Variants in SPIRE2 observed in about 807,000 individuals in gnomAD.
SPIRE2 encodes spire type actin nucleation factor 2, also known as protein spire homolog 2.
In SPIRE2, 76 loss-of-function variants were observed where a neutral mutation model predicts 80.7. The observed-to-expected ratio is 0.94, with a 90% CI of 0.78 to 1.14. The LOEUF (loss-of-function observed/expected upper bound fraction) is 1.14. Among genes scored for constraint, SPIRE2 ranks in the 50% most tolerant of loss-of-function variants. SPIRE2 has a pLI of 0.00. For missense variants in SPIRE2, 1,196 were observed against 1,015.3 expected (o/e 1.18, Z -2.42); for synonymous variants, 535 against 432.6 (o/e 1.24, Z -2.94).
chr16:89,840,333 T>C (rs2041492107), intron 1 of SPIRE2, among the ~76,000 whole-genome samples: 1 of 143,492 alleles, frequency 7.0e-6, no homozygotes, highest in South Asian at 2.3e-4. Context: ...CACTGCAAGC[T>C]CCACCTCCCG....
In SPIRE2 at chr16:89,840,792, C is replaced by T. The variant is rs1369508278; in HGVS notation, c.245-4530C>T. On this transcript the variant is annotated intron_variant, in intron 1 of 14. Coordinates refer to ENST00000378247, the MANE Select transcript of SPIRE2 (RefSeq NM_032451.2). ...CTGGGACTACAGGTGCCCGCCACCA[C>T]GCCCAGCTTATTTTTTTGTATTTTT... 4.0e-5 allele frequency among the ~76,000 whole-genome samples: 6 copies of T among 150,880 alleles called. No homozygotes were observed. The South Asian group carries it at 6.3e-4, about 16-fold the overall frequency.
intron 9 of SPIRE2, among the ~76,000 whole-genome samples, chr16:89,860,413 G>A (rs56764645): frequency 0.032 from 4,860 of 152,098 alleles, 283 homozygotes; most frequent in African/African-American, 0.11. Flanking sequence ...CATGTTTCAC[G>A]ATGCCTGCCT....
chr16:89,863,360 A>T lies in SPIRE2; in HGVS notation c.1576-116A>T. On this transcript the variant is annotated intron_variant, in intron 10 of 14. Transcript: ENST00000378247. This position sits in a 1 kb window ranked among gnomAD's most constrained non-coding sequence, Gnocchi z 4.3. ...CAAGATGGCTGATGGACAGCGTTTT[A>T]GAAGGTCGCAGGCTTGTTTAGGCTG... 1 of 1,140,926 alleles carries T rather than the reference A, an allele frequency of 8.8e-7. No individual in the cohort carries two copies. The highest frequency in any genetic ancestry group is 1.2e-6 in the Non-Finnish European group (1 of 806,752). The allele number at this position is 1,140,926 out of a possible 1,614,324, so 70.7% of individuals were successfully genotyped here. A position where few individuals can be genotyped will look rare whatever the true frequency, so the allele number is the denominator to read the frequency against.
In SPIRE2 at chr16:89,828,552, T is replaced by TG. The variant is rs2041347427; in HGVS notation, c.4dup (p.Ala2?). 7 of 1,118,682 alleles carry TG rather than the reference T, an allele frequency of 6.3e-6. No homozygotes were observed. The South Asian group carries it at 2.9e-4, about 47-fold the overall frequency. 69.3% of individuals were successfully genotyped at this position (1,118,682 alleles called of 1,614,324 possible). ...GCGGGAGGCGATGACGGCCCCGCCA[T>TG]GGCCCGGGCGGGCAGCTGCGGCGGC... is the stretch of plus-strand genomic sequence containing the variant. On this transcript the variant is annotated frameshift_variant and start_lost, in exon 1 of 15. Coordinates refer to ENST00000378247, the MANE Select transcript of SPIRE2 (RefSeq NM_032451.2). LOFTEE classifies it high-confidence loss of function. The surrounding 1 kb of genome is among the most constrained non-coding windows in gnomAD (Gnocchi z 5.9).
chr16:89,842,230 T>TTTG (rs1190281257), intron 1 of SPIRE2, among the ~76,000 whole-genome samples: 1 of 134,656 alleles, frequency 7.4e-6, no homozygotes, highest in Non-Finnish European at 1.5e-5. Flanking sequence ...TTTTTTTTTT[T>TTTG]GTGACGGAGT....
At position 89,855,662 on chromosome 16, in the gene SPIRE2, C is replaced by T. The variant is rs750693094; in HGVS notation, c.954C>T (p.Ile318=). Reference sequence around the variant, plus strand: ...CTCACGAGCTCATCCTGGACTTTATCCGCTCACGGCCTCCACTGAAGCAGG... The same window carrying T: ...CTCACGAGCTCATCCTGGACTTTATTCGCTCACGGCCTCCACTGAAGCAGG... The part of the protein sequence containing the change: ...KDAHELILDF[I]RSRPPLKQVS... The change falls in exon 6 of 15, where the codon ATC becomes ATT. Residue 318 remains isoleucine, a synonymous_variant. Coordinates refer to ENST00000378247, the MANE Select transcript of SPIRE2 (RefSeq NM_032451.2). 5 of 1,612,714 alleles carry T rather than the reference C, an allele frequency of 3.1e-6. No homozygotes were observed. Among genetic ancestry groups the T allele is most frequent in the African/African-American group, 1.3e-5 (1 of 74,922 alleles).
Position 89,850,540 on chromosome 16 carries a change from C to T in SPIRE2, c.525C>T (p.Cys175=), listed in dbSNP as rs778499377. ...CCTTTGCCCAGGCCATGCGGCTGTG[C>T]GCGGCGCGGCTGACCGACCCCCGGG... is the stretch of plus-strand genomic sequence containing the variant. The part of the protein sequence containing the change: ...VRTFAQAMRL[C]AARLTDPRGA... The change falls in exon 3 of 15, where the codon TGC becomes TGT. Residue 175 remains cysteine, a synonymous_variant. Transcript: ENST00000378247. 12 of 1,512,446 alleles carry T rather than the reference C, an allele frequency of 7.9e-6. No homozygotes were observed. Among genetic ancestry groups the T allele is most frequent in the East Asian group, 2.4e-5 (1 of 40,968 alleles). The allele number at this position is 1,512,446 out of a possible 1,614,324, so 93.7% of individuals were successfully genotyped here. A position where few individuals can be genotyped will look rare whatever the true frequency, so the allele number is the denominator to read the frequency against.
intron 2 of SPIRE2, chr16:89,847,272 G>A (rs533222399): frequency 6.6e-6 from 1 of 152,454 alleles, no homozygotes; most frequent in East Asian, 1.9e-4. Context: ...AGATGCCATT[G>A]TGCTATACGT....
Position 89,868,230 on chromosome 16 carries a change from G to A in SPIRE2, c.1806+14G>A. 1 of 1,613,932 alleles carries A rather than the reference G, an allele frequency of 6.2e-7. No individual in the cohort carries two copies. The highest frequency in any genetic ancestry group is 1.6e-4 in the Middle Eastern group (1 of 6,062). On this transcript the variant is annotated intron_variant, in intron 13 of 14. Coordinates refer to ENST00000378247, the MANE Select transcript of SPIRE2 (RefSeq NM_032451.2). ...TGTAGCATAAAGGTGAGGACCATGT[G>A]GGATCTCTGGGGTCTGAGCAAGGCA...
Position 89,850,307 on chromosome 16 carries a change from G to T in SPIRE2, c.292G>T (p.Val98Leu). ...TGACCGCGCCCCTGTCCCGCAGACCGTGCAGTCCCTCGGCTTCGCCATCTA... is the reference window on the plus strand; with the variant it reads ...TGACCGCGCCCCTGTCCCGCAGACCTTGCAGTCCCTCGGCTTCGCCATCTA... ...VPLASSEAQT[V>L]QSLGFAIYRA... is the part of the protein sequence containing the mutation. The change falls in exon 3 of 15, where the codon GTG becomes TTG. Residue 98 changes from valine (V) to leucine (L), a missense_variant. Physicochemically the swap from Val to Leu is conservative, Grantham distance 32. Transcript: ENST00000378247. The T allele has an allele frequency of 3.7e-6, 6 of 1,602,366 alleles. No individual in the cohort carries two copies. The highest frequency in any genetic ancestry group is 5.1e-6 in the Non-Finnish European group (6 of 1,177,448).
chr16:89,856,749 T>C (rs1198075965), intron 7 of SPIRE2, among the ~76,000 whole-genome samples: 1 of 151,564 alleles, frequency 6.6e-6, no homozygotes, highest in Non-Finnish European at 1.5e-5. Context: ...TGTGAACCAC[T>C]GCACCTGGCC....
At chr16:89,850,220 C>A (rs748448538) in intron 2 of SPIRE2, 84 bp from the exon 3 acceptor site, 1 of 1,155,610 alleles carries the variant, frequency 8.7e-7, no homozygotes, top group South Asian at 1.3e-5. Flanking sequence ...TGGCCGGGTG[C>A]TGGGCCCTCT....
chr16:89,865,315 C>G (rs976157636), intron 12 of SPIRE2, among the ~76,000 whole-genome samples: 1 of 152,100 alleles, frequency 6.6e-6, no homozygotes, highest in African/African-American at 2.4e-5. Flanking sequence ...CAGAAGTATA[C>G]TATTTTAAGG....
intron 7 of SPIRE2, among the ~76,000 whole-genome samples, chr16:89,856,907 C>G (rs2041696224): frequency 6.6e-6 from 1 of 151,090 alleles, no homozygotes; most frequent in South Asian, 2.1e-4. Flanking sequence ...CCAAAAATTT[C>G]AAAGAAAAAT....
intron 10 of SPIRE2, 147 bp downstream of exon 10, chr16:89,860,942 A>C: frequency 1.9e-6 from 1 of 536,906 alleles, no homozygotes; most frequent in Non-Finnish European, 3.1e-6. Flanking sequence ...CGCGGTCTGA[A>C]CATGGGGCAC....
intron 12 of SPIRE2, among the ~76,000 whole-genome samples, chr16:89,866,884 C>T (rs888099061): frequency 1.2e-4 from 18 of 152,046 alleles, no homozygotes; most frequent in African/African-American, 4.3e-4. Context: ...GCTGGGATTA[C>T]AGGCTTGAGC....
chr16:89,866,697 C>T (rs1212984046), intron 12 of SPIRE2, among the ~76,000 whole-genome samples: 4 of 151,382 alleles, frequency 2.6e-5, no homozygotes, highest in South Asian at 2.1e-4. Flanking sequence ...CAAGCTCCAC[C>T]TCCCGGGTTC....
chr16:89,840,276 G>A (rs1444436141), intron 1 of SPIRE2, among the ~76,000 whole-genome samples: 1 of 144,442 alleles, frequency 6.9e-6, no homozygotes, highest in Non-Finnish European at 1.5e-5. Flanking sequence ...TTGAGACGGA[G>A]TCTCGCTCTG....
intron 3 of SPIRE2, among the ~76,000 whole-genome samples, chr16:89,851,873 C>G (rs769206860): frequency 6.6e-6 from 1 of 152,090 alleles, no homozygotes; most frequent in African/African-American, 2.4e-5. Context: ...GGTGCTGTGT[C>G]TCTCCTGTCC....
Sources: allele counts gnomAD v4.1 joint callset (sites outside exome capture counted in the v4.1 genomes callset), GRCh38; gene constraint gnomAD v4.1.1; non-coding constraint Gnocchi (gnomAD v3.1); transcripts MANE v1.5; gene names NCBI Gene and HGNC (gene_info 2026-07-23, HGNC 2026-07-21).